MVB12B: variants seen among roughly 807,000 people sequenced by gnomAD.
The protein encoded by MVB12B is multivesicular body subunit 12B, also known as ESCRT-I complex subunit MVB12B.
MVB12B carries 16 observed loss-of-function variants against 41.6 expected under a neutral mutation model. That is an observed-to-expected ratio of 0.38 (90% CI 0.26 to 0.58). The LOEUF (loss-of-function observed/expected upper bound fraction) is 0.58, where lower values mean the gene tolerates loss of function less well. Ranked by LOEUF, MVB12B falls within the 20% of genes least tolerant of loss-of-function variation. The probability of loss-of-function intolerance (pLI) is 0.62; values close to 1 mark genes in which losing one functional copy is unlikely to be tolerated. For missense variants in MVB12B, 274 were observed against 380.2 expected (o/e 0.72, Z 2.32); for synonymous variants, 133 against 139.7 (o/e 0.95, Z 0.34).
intron 6 of MVB12B, among the ~76,000 whole-genome samples, chr9:126,400,257 A>T (rs910071644): frequency 6.6e-6 from 1 of 152,154 alleles, no homozygotes; most frequent in African/African-American, 2.4e-5. Context: ...GGAGGGGTGG[A>T]GAGATGGCTG....
chr9:126,380,111 G>A (rs1029673092), intron 2 of MVB12B, among the ~76,000 whole-genome samples: 7 of 152,170 alleles, frequency 4.6e-5, no homozygotes, highest in African/African-American at 1.2e-4. Flanking sequence ...GTCCCCCTTC[G>A]CGGTGCTTAA....
At chr9:126,417,314 T>G (rs1831854028) in intron 6 of MVB12B, among the ~76,000 whole-genome samples, 1 of 152,240 alleles carries the variant, frequency 6.6e-6, no homozygotes, top group East Asian at 1.9e-4. Context: ...GCCTGTGACT[T>G]GAATCCTCTT....
chr9:126,394,748 G>A (rs2119005378), intron 5 of MVB12B, among the ~76,000 whole-genome samples: 1 of 152,266 alleles, frequency 6.6e-6, no homozygotes, highest in South Asian at 2.1e-4. Flanking sequence ...TTCCTGGGGT[G>A]TTCTGAGAAG....
chr9:126,347,080 A>G (rs1469667000), intron 2 of MVB12B, among the ~76,000 whole-genome samples: 1 of 152,248 alleles, frequency 6.6e-6, no homozygotes, highest in African/African-American at 2.4e-5. Context: ...TAAAGGTAGG[A>G]AAGTGTCGAA....
intron 7 of MVB12B, among the ~76,000 whole-genome samples, chr9:126,471,165 G>T (rs529592805): frequency 6.6e-6 from 1 of 152,302 alleles, no homozygotes; most frequent in South Asian, 2.1e-4. Context: ...ACATAAAACC[G>T]CAGCCTTGCC....
chr9:126,416,166 C>T (rs1307742447), intron 6 of MVB12B, among the ~76,000 whole-genome samples: 1 of 152,216 alleles, frequency 6.6e-6, no homozygotes, highest in Non-Finnish European at 1.5e-5. Context: ...TGGAGGCCCT[C>T]ATGAGCCAGA....
intron 6 of MVB12B, 146 bp from the exon 7 acceptor site, chr9:126,421,708 G>A: frequency 1.5e-6 from 1 of 675,370 alleles, no homozygotes; most frequent in Non-Finnish European, 2.7e-6. Context: ...GAGGAGTTAT[G>A]CTTGATTGAG....
chr9:126,399,579 G>A lies in MVB12B; in HGVS notation c.662+3882G>A, dbSNP rs542929136. Among the ~76,000 whole-genome samples, 7 of 152,306 alleles carry A rather than the reference G, an allele frequency of 4.6e-5. No homozygotes were observed. The East Asian group carries it at 7.7e-4, about 17-fold the overall frequency. On this transcript the variant is annotated intron_variant, in intron 6 of 9. Coordinates refer to ENST00000361171, the MANE Select transcript of MVB12B (RefSeq NM_033446.3). ...CTCCACCGTCTGTCACATGCAGGGC[G>A]TCACCTGTTTCTGCTGGGAAGAAGA...
chr9:126,394,221 C>T (rs1238731130), intron 5 of MVB12B, among the ~76,000 whole-genome samples: 6 of 152,160 alleles, frequency 3.9e-5, no homozygotes, highest in African/African-American at 1.4e-4. Context: ...CTCAGAAGCA[C>T]CCATTTACAT....
At chr9:126,408,574 G>A (rs1831518807) in intron 6 of MVB12B, among the ~76,000 whole-genome samples, 1 of 151,900 alleles carries the variant, frequency 6.6e-6, no homozygotes, top group African/African-American at 2.4e-5. Flanking sequence ...CCCGTCACAG[G>A]CTTTTAAGGA....
chr9:126,410,603 G>A (rs1006172145), intron 6 of MVB12B, among the ~76,000 whole-genome samples: 5 of 152,062 alleles, frequency 3.3e-5, no homozygotes, highest in African/African-American at 9.7e-5. Context: ...GCCTTCACGC[G>A]GGCCTCCCTG....
chr9:126,423,652 CT>C (rs1301685750), intron 7 of MVB12B, among the ~76,000 whole-genome samples: 1 of 152,170 alleles, frequency 6.6e-6, no homozygotes, highest in Non-Finnish European at 1.5e-5. Flanking sequence ...TCCAGGACTG[CT>C]TTGTTGTGTT....
intron 2 of MVB12B, among the ~76,000 whole-genome samples, chr9:126,358,260 T>C (rs925474737): frequency 1.3e-5 from 2 of 152,178 alleles, no homozygotes; most frequent in Non-Finnish European, 2.9e-5. Context: ...TTAACTTTAT[T>C]CTTTTTCAAA....
chr9:126,371,384 T>A (rs889021939), intron 2 of MVB12B, among the ~76,000 whole-genome samples: 16 of 152,260 alleles, frequency 1.1e-4, no homozygotes, highest in African/African-American at 3.6e-4. Flanking sequence ...TCCCATTTCC[T>A]GTCTCGTGGG....
At chr9:126,460,200 G>T (rs1833061245) in intron 7 of MVB12B, among the ~76,000 whole-genome samples, 1 of 152,138 alleles carries the variant, frequency 6.6e-6, no homozygotes, top group Non-Finnish European at 1.5e-5. Context: ...GGGTGGACAA[G>T]GCTCCGTCAC....
chr9:126,438,686 A>G (rs1429410958), intron 7 of MVB12B, among the ~76,000 whole-genome samples: 1 of 152,198 alleles, frequency 6.6e-6, no homozygotes, highest in Non-Finnish European at 1.5e-5. Flanking sequence ...GTCCTTTGGG[A>G]GGACCTCTTC....
intron 7 of MVB12B, among the ~76,000 whole-genome samples, chr9:126,470,010 G>A (rs1490756500): frequency 6.6e-6 from 1 of 152,208 alleles, no homozygotes; most frequent in Non-Finnish European, 1.5e-5. Context: ...GTTTAAATGA[G>A]ATAAAAACAT....
chr9:126,384,760 T>A (rs1158083273), intron 3 of MVB12B, among the ~76,000 whole-genome samples: 1 of 151,780 alleles, frequency 6.6e-6, no homozygotes, highest in Non-Finnish European at 1.5e-5. Flanking sequence ...ATCAATCTCC[T>A]GACCTCAAGT....
intron 6 of MVB12B, among the ~76,000 whole-genome samples, chr9:126,407,675 C>T (rs192988990): frequency 2.0e-5 from 3 of 152,134 alleles, no homozygotes; most frequent in South Asian, 2.1e-4. Flanking sequence ...TTAATCACCG[C>T]GAGGGGGGCG....
Sources: allele counts gnomAD v4.1 joint callset (sites outside exome capture counted in the v4.1 genomes callset), GRCh38; gene constraint gnomAD v4.1.1; transcripts MANE v1.5; gene names NCBI Gene and HGNC (gene_info 2026-07-23, HGNC 2026-07-21).